Variants in DAPK1 observed in about 807,000 individuals in gnomAD.
DAPK1 encodes the protein death-associated protein kinase 1.
In DAPK1, 56 loss-of-function variants were observed where a neutral mutation model predicts 144.9. That is an observed-to-expected ratio of 0.39 (90% CI 0.31 to 0.48). The LOEUF (loss-of-function observed/expected upper bound fraction) is 0.48, where lower values mean the gene tolerates loss of function less well. DAPK1 is among the 20% of genes least tolerant of loss of function. The pLI, the probability that DAPK1 is intolerant of heterozygous loss-of-function variation, is 0.95. For synonymous variants in DAPK1, 690 were observed against 749.0 expected (o/e 0.92, Z 1.29); for missense variants, 1,454 against 1,875.4 (o/e 0.78, Z 4.15).
intron 3 of DAPK1, chr9:87,633,329 A>G: frequency 7.1e-6 from 7 of 985,014 alleles, no homozygotes; most frequent in Non-Finnish European, 8.4e-6. Flanking sequence ...TGTAGATATG[A>G]AGGAAGATGA....
intron 4 of DAPK1, 96 bp from the exon 5 acceptor site, chr9:87,639,258 G>A (rs1306661489): frequency 1.9e-6 from 2 of 1,048,208 alleles, no homozygotes; most frequent in Non-Finnish European, 2.7e-6. Flanking sequence ...CTACTTTTTG[G>A]CCTTTTTTTT....
chr9:87,701,761 T>A (rs1587855724), intron 24 of DAPK1: 1 of 364,886 alleles, frequency 2.7e-6, no homozygotes, highest in East Asian at 8.0e-5. Flanking sequence ...AATAAGAAAA[T>A]GCTGTGCTTC....
At chr9:87,504,880 A>AC (rs1824530332) in intron 2 of DAPK1, among the ~76,000 whole-genome samples, 1 of 152,228 alleles carries the variant, frequency 6.6e-6, no homozygotes, top group African/African-American at 2.4e-5. Flanking sequence ...GGGAATAATA[A>AC]CCAGAAAAAA....
intron 21 of DAPK1, among the ~76,000 whole-genome samples, chr9:87,696,691 C>T (rs1191407590): frequency 6.6e-6 from 1 of 152,168 alleles, no homozygotes; most frequent in African/African-American, 2.4e-5. Flanking sequence ...CTAATCCACT[C>T]TCACAAGAGC....
chr9:87,619,842 G>C (rs1305496843), intron 3 of DAPK1, among the ~76,000 whole-genome samples: 1 of 152,186 alleles, frequency 6.6e-6, no homozygotes, highest in Non-Finnish European at 1.5e-5. Context: ...ATCTGGTAGA[G>C]TCATGCCCAT....
intron 2 of DAPK1, among the ~76,000 whole-genome samples, chr9:87,562,146 A>G (rs1390605714): frequency 6.6e-6 from 1 of 152,194 alleles, no homozygotes; most frequent in East Asian, 1.9e-4. Context: ...TTCTGTATCT[A>G]CCTGGTGGTC....
At chr9:87,576,772 G>C (rs1587734108) in intron 2 of DAPK1, among the ~76,000 whole-genome samples, 1 of 152,254 alleles carries the variant, frequency 6.6e-6, no homozygotes. Context: ...TGGCCAGGCT[G>C]GTACCAAATT....
chr9:87,655,373 G>A (rs1214243299), intron 17 of DAPK1, among the ~76,000 whole-genome samples: 1 of 151,812 alleles, frequency 6.6e-6, no homozygotes, highest in Admixed American at 6.6e-5. Context: ...TTTTTTAAAG[G>A]AAAGGTGATG....
At chr9:87,702,962 A>T (rs1246642410) in intron 24 of DAPK1, 67 bp from the exon 25 acceptor site, 4 of 735,166 alleles carry the variant, frequency 5.4e-6, no homozygotes, top group Non-Finnish European at 9.9e-6. Context: ...TGTCCTTTCC[A>T]CTGTGGCTCT....
chr9:87,628,019 G>A (rs1466997758), intron 3 of DAPK1, among the ~76,000 whole-genome samples: 1 of 152,194 alleles, frequency 6.6e-6, no homozygotes, highest in East Asian at 1.9e-4. Flanking sequence ...AGAGCCCGAT[G>A]CAAACCAGGC....
chr9:87,679,826 C>A (rs1214392128), intron 19 of DAPK1, among the ~76,000 whole-genome samples: 1 of 152,184 alleles, frequency 6.6e-6, no homozygotes, highest in Admixed American at 6.5e-5. Context: ...CCCTCTGCAG[C>A]ATGGAGCTTG....
chr9:87,622,767 C>T (rs1380095915), intron 3 of DAPK1, among the ~76,000 whole-genome samples: 2 of 151,888 alleles, frequency 1.3e-5, no homozygotes, highest in Non-Finnish European at 2.9e-5. Context: ...AAAAATCAGC[C>T]GGGTGTGGTG....
intron 3 of DAPK1, chr9:87,633,380 T>C (rs753037306): frequency 3.4e-5 from 33 of 985,026 alleles, no homozygotes; most frequent in Non-Finnish European, 3.6e-5. Flanking sequence ...AGTGAATACA[T>C]AGGGCCTTCT....
intron 19 of DAPK1, among the ~76,000 whole-genome samples, chr9:87,675,475 T>C (rs540955672): frequency 1.1e-4 from 16 of 151,970 alleles, no homozygotes; most frequent in African/African-American, 2.7e-4. Flanking sequence ...TGGGCTAGGG[T>C]CAGAGGATGT....
At chr9:87,520,438 C>T (rs1825253656) in intron 2 of DAPK1, among the ~76,000 whole-genome samples, 1 of 152,162 alleles carries the variant, frequency 6.6e-6, no homozygotes. Context: ...CAGCAGTTTT[C>T]AGCTCTGTGG....
At chr9:87,576,457 G>A (rs184354927) in intron 2 of DAPK1, among the ~76,000 whole-genome samples, 1 of 152,340 alleles carries the variant, frequency 6.6e-6, no homozygotes, top group East Asian at 1.9e-4. Context: ...AGGAAGGAAA[G>A]CAGGCTTGGG....
At chr9:87,702,755 A>C (rs1282749533) in intron 24 of DAPK1, among the ~76,000 whole-genome samples, 2 of 152,130 alleles carry the variant, frequency 1.3e-5, no homozygotes, top group Admixed American at 6.5e-5. Context: ...AAAAACACAA[A>C]CTAGCCAGAC....
chr9:87,684,548 G>C (rs565249479), intron 20 of DAPK1, among the ~76,000 whole-genome samples: 2 of 152,210 alleles, frequency 1.3e-5, no homozygotes, highest in Non-Finnish European at 2.9e-5. Flanking sequence ...CCAGGAGACC[G>C]GACGGGGTCC....
chr9:87,630,987 A>G (rs1829666410), intron 3 of DAPK1, among the ~76,000 whole-genome samples: 2 of 152,212 alleles, frequency 1.3e-5, no homozygotes, highest in African/African-American at 4.8e-5. Flanking sequence ...GGTGAGGTCC[A>G]GAGAGGTGAT....
Sources: gnomAD v4.1 joint callset for allele counts (sites outside exome capture counted in the v4.1 genomes callset) on GRCh38, gnomAD v4.1.1 for gene constraint, MANE v1.5 for transcripts, NCBI Gene and HGNC (gene_info 2026-07-23, HGNC 2026-07-21) for gene names.